Variants in SLC47A2 observed in about 807,000 individuals in gnomAD.
SLC47A2 encodes multidrug and toxin extrusion protein 2.
A neutral mutation model predicts 67.7 loss-of-function variants in SLC47A2; 52 were observed. That is an observed-to-expected ratio of 0.77 (90% CI 0.61 to 0.97). The LOEUF is 0.97. Ranked by LOEUF, SLC47A2 falls within the 50% of genes least tolerant of loss-of-function variation. SLC47A2 has a pLI of 0.00. For synonymous variants in SLC47A2, 278 were observed against 292.9 expected, an observed-to-expected ratio of 0.95 and a Z score of 0.52; for missense variants, 676 against 712.3, an observed-to-expected ratio of 0.95 and a Z score of 0.58.
At chr17:19,711,588 C>CAAAAAAAAAAAA (rs35308426) in intron 5 of SLC47A2, among the ~76,000 whole-genome samples, 805 of 32,956 alleles carry the variant, frequency 0.024, 1 homozygote, top group Middle Eastern at 0.042. Context: ...AACTCCGTCT[C>CAAAAAAAAAAAA]AAAAAAAAAA....
At chr17:19,688,147 T>C (rs2085465769) in intron 13 of SLC47A2, among the ~76,000 whole-genome samples, 1 of 152,104 alleles carries the variant, frequency 6.6e-6, no homozygotes, top group South Asian at 2.1e-4. Flanking sequence ...ACAAAAATAC[T>C]AGCATACCAA....
At chr17:19,679,339 G>A (rs1265391396) in intron 16 of SLC47A2, among the ~76,000 whole-genome samples, 3 of 152,244 alleles carry the variant, frequency 2.0e-5, no homozygotes, top group Admixed American at 6.5e-5. Flanking sequence ...GACATCATCT[G>A]TGTGAGCTTT....
At chr17:19,695,515 C>CAAAAAAAAAAAAAAAAAAAAAAAGAA (rs201305334) in intron 13 of SLC47A2, among the ~76,000 whole-genome samples, 4 of 91,400 alleles carry the variant, frequency 4.4e-5, no homozygotes, top group East Asian at 2.9e-4. Flanking sequence ...AAAAAAACAG[C>CAAAAAAAAAAAAAAAAAAAAAAAGAA]AAAAAAAAAA....
At chr17:19,711,528 G>A (rs1304449784) in intron 5 of SLC47A2, among the ~76,000 whole-genome samples, 1 of 132,650 alleles carries the variant, frequency 7.5e-6, no homozygotes, top group Non-Finnish European at 1.5e-5. Flanking sequence ...GGCAGAGGTT[G>A]CAGTGAGCGG....
intron 1 of SLC47A2, chr17:19,716,143 G>C: frequency 7.3e-6 from 3 of 413,138 alleles, no homozygotes; most frequent in Non-Finnish European, 1.3e-5. Flanking sequence ...ATTTGTCCTG[G>C]AGCCATCTTC....
At position 19,704,060 on chromosome 17, in the gene SLC47A2, C is replaced by A; in HGVS notation, c.1018+10G>T. ...CGTTTGAAGGCCCACCAGGAGAGGA[C>A]TCCACCTACCTATGCTGAGCACGCC... On this transcript the variant is annotated intron_variant, in intron 11 of 16. Coordinates refer to ENST00000433844, the MANE Select transcript of SLC47A2 (RefSeq NM_001099646.3). The A allele has an allele frequency of 1.9e-6, 3 of 1,596,820 alleles. No individual in the cohort carries two copies. The highest frequency in any genetic ancestry group is 1.3e-5 in the African/African-American group (1 of 74,302).
intron 5 of SLC47A2, among the ~76,000 whole-genome samples, chr17:19,712,305 T>C (rs1597641022): frequency 6.6e-6 from 1 of 152,174 alleles, no homozygotes; most frequent in Non-Finnish European, 1.5e-5. Flanking sequence ...GAGAATGGCT[T>C]GAACCCAGGA....
At chr17:19,705,304 G>C in intron 10 of SLC47A2, 132 bp downstream of exon 10, 2 of 895,434 alleles carry the variant, frequency 2.2e-6, no homozygotes, top group Non-Finnish European at 3.4e-6. Flanking sequence ...TCTGGACCTG[G>C]TGGGCACGAG....
intron 13 of SLC47A2, 74 bp downstream of exon 13, chr17:19,702,531 C>A: frequency 1.3e-6 from 2 of 1,586,790 alleles, no homozygotes; most frequent in East Asian, 2.2e-5. Context: ...CACAGCCCTG[C>A]GAGGTCCTGG....
In SLC47A2 at chr17:19,707,825, G is replaced by A. The variant is rs1253197066; in HGVS notation, c.648C>T (p.Asn216=). The change falls in exon 8 of 17, where the codon AAC becomes AAT. Residue 216 remains asparagine, a synonymous_variant. Coordinates refer to ENST00000433844, the MANE Select transcript of SLC47A2 (RefSeq NM_001099646.3). ...NLGVRGSAYA[N]IISQFAQTVF... ...CGGTCTGTGCAAACTGGGAGATGAT[G>A]TTGGCATAGGCGGAGCCCCTGGGTA... is the stretch of plus-strand genomic sequence containing the variant. 2.5e-6 allele frequency: 4 copies of A among 1,601,148 alleles called. No individual in the cohort carries two copies. Among genetic ancestry groups the A allele is most frequent in the Non-Finnish European group, 3.4e-6 (4 of 1,174,002 alleles).
rs911931907 is a variant in SLC47A2, at chr17:19,685,363, G to A, written c.1165-3693C>T. Among the ~76,000 whole-genome samples, 22 of 152,164 alleles carry A rather than the reference G, an allele frequency of 1.4e-4. No individual in the cohort carries two copies. The highest frequency in any genetic ancestry group is 8.3e-4 in the South Asian group (4 of 4,814). ...CCACCCCATCTGGGAAGTGAGGCGC[G>A]CCTCTGCCTGGCTGCCACCACGTCT... On this transcript the variant is annotated intron_variant, in intron 13 of 16. Transcript: ENST00000433844. The surrounding 1 kb of genome is among the most constrained non-coding windows in gnomAD (Gnocchi z 4.5).
chr17:19,712,789 C>T lies in SLC47A2; in HGVS notation c.444-44G>A, dbSNP rs138948843. 3.2e-4 allele frequency: 511 copies of T among 1,598,964 alleles called. 12 individuals are homozygous for T. In the South Asian group the frequency reaches 5.5e-3, roughly 17 times the overall value. On this transcript the variant is annotated intron_variant, in intron 4 of 16. Coordinates refer to ENST00000433844, the MANE Select transcript of SLC47A2 (RefSeq NM_001099646.3). The stretch of plus-strand genomic sequence containing the variant: ...CTCCGGAGCTGACCAGGCTGTGGCC[C>T]GGGGAGGCAGGGCCCTCTCCCCTGT...
intron 3 of SLC47A2, among the ~76,000 whole-genome samples, chr17:19,714,239 C>T (rs1030814292): frequency 1.3e-5 from 2 of 152,204 alleles, no homozygotes; most frequent in Non-Finnish European, 2.9e-5. Flanking sequence ...TTAAGTGGAG[C>T]CAGGACAAAG....
intron 13 of SLC47A2, among the ~76,000 whole-genome samples, chr17:19,687,032 GACCATATT>G (rs1198914417): frequency 6.6e-6 from 1 of 152,090 alleles, no homozygotes; most frequent in Non-Finnish European, 1.5e-5. Flanking sequence ...CTCAAGGACA[GACCATATT>G]TGAGTCACAA....
rs1228163932 is a variant in SLC47A2, at chr17:19,713,810, C to T, written c.443+15G>A. 2 of 1,600,232 alleles carry T rather than the reference C, an allele frequency of 1.2e-6. No homozygotes were observed. Among genetic ancestry groups the T allele is most frequent in the Non-Finnish European group, 1.7e-6 (2 of 1,171,496 alleles). On this transcript the variant is annotated intron_variant, in intron 4 of 16. Coordinates refer to ENST00000433844, the MANE Select transcript of SLC47A2 (RefSeq NM_001099646.3). ...TCCCAGCAAGCCCCACCTCCCCAGC[C>T]GGAGCCCAGCGCACCTGGACACGTC...
intron 10 of SLC47A2, 68 bp from the exon 11 acceptor site, chr17:19,704,246 C>G: frequency 2.9e-6 from 4 of 1,372,932 alleles, no homozygotes; most frequent in Non-Finnish European, 4.0e-6. Flanking sequence ...CTGAGCCAGC[C>G]TGGGCCAAGA....
At chr17:19,712,115 G>A (rs185931212) in intron 5 of SLC47A2, among the ~76,000 whole-genome samples, 11 of 152,270 alleles carry the variant, frequency 7.2e-5, no homozygotes, top group East Asian at 1.9e-4. Flanking sequence ...GGCCGGGCAC[G>A]GTGGCTCACA....
chr17:19,709,621 A>G (rs1237319965), intron 5 of SLC47A2, among the ~76,000 whole-genome samples: 1 of 152,210 alleles, frequency 6.6e-6, no homozygotes, highest in Non-Finnish European at 1.5e-5. Context: ...AATATTTTAC[A>G]TACATAAATA....
At chr17:19,711,669 T>C (rs1353909308) in intron 5 of SLC47A2, among the ~76,000 whole-genome samples, 1 of 151,718 alleles carries the variant, frequency 6.6e-6, no homozygotes, top group Non-Finnish European at 1.5e-5. Context: ...AAGAAATCTT[T>C]TAATAATAAT....
Sources: allele counts gnomAD v4.1 joint callset (sites outside exome capture counted in the v4.1 genomes callset), GRCh38; gene constraint gnomAD v4.1.1; non-coding constraint Gnocchi (gnomAD v3.1); transcripts MANE v1.5; gene names NCBI Gene and HGNC (gene_info 2026-07-23, HGNC 2026-07-21).